The following SDK1 variants were observed in gnomAD, a reference collection of about 807,000 sequenced individuals.
The protein encoded by SDK1 is sidekick cell adhesion molecule 1.
A neutral mutation model predicts 245.5 loss-of-function variants in SDK1; 157 were observed. The observed-to-expected ratio is 0.64, with a 90% CI of 0.56 to 0.73. The LOEUF is 0.73. Ranked by LOEUF, SDK1 falls within the 30% of genes least tolerant of loss-of-function variation. SDK1 has a pLI of 0.00. For synonymous variants in SDK1, 1,647 were observed against 1,278.5 expected (o/e 1.29, Z -6.15); for missense variants, 3,583 against 3,002.3 (o/e 1.19, Z -4.52).
intron 1 of SDK1, among the ~76,000 whole-genome samples, chr7:3,377,581 C>T (rs1000030580): frequency 2.6e-5 from 4 of 151,994 alleles, no homozygotes; most frequent in Admixed American, 6.5e-5. Flanking sequence ...CACGACTCCC[C>T]GTCTCTGTGT....
At position 3,509,933 on chromosome 7, in the gene SDK1, C is replaced by A. The variant is rs76193505; in HGVS notation, c.299-109147C>A. Among the ~76,000 whole-genome samples the A allele has an allele frequency of 3.3e-4, 50 of 152,230 alleles. 2 individuals carry two copies. In the East Asian group the frequency reaches 9.7e-3, roughly 29 times the overall value. ...AAAATATACAGATGCCAGGGCTTCA[C>A]CCCAGACTCATTAAATGAAGGTCTC... On this transcript the variant is annotated intron_variant, in intron 1 of 44. Coordinates refer to ENST00000404826, the MANE Select transcript of SDK1 (RefSeq NM_152744.4).
intron 29 of SDK1, 100 bp from the exon 30 acceptor site, chr7:4,149,162 G>T: frequency 1.1e-6 from 1 of 942,390 alleles, no homozygotes; most frequent in Non-Finnish European, 1.5e-6. Flanking sequence ...AGCTCTCATG[G>T]GCAAGCAGTC....
At chr7:4,012,280 G>T in intron 16 of SDK1, 45 bp downstream of exon 16, 1 of 1,434,206 alleles carries the variant, frequency 7.0e-7, no homozygotes, top group South Asian at 1.7e-5. Flanking sequence ...CATTAGAGTT[G>T]AGCGTCGATT....
chr7:3,788,047 C>T (rs1191747711), intron 4 of SDK1, among the ~76,000 whole-genome samples: 5 of 152,158 alleles, frequency 3.3e-5, no homozygotes, highest in African/African-American at 7.2e-5. Flanking sequence ...CCAAACAGCT[C>T]GTGTGCTCCG....
chr7:3,535,508 C>A (rs1778857517), intron 1 of SDK1, among the ~76,000 whole-genome samples: 1 of 152,148 alleles, frequency 6.6e-6, no homozygotes, highest in Admixed American at 6.5e-5. Context: ...CAGGCTCAGT[C>A]ATACTATTCT....
At chr7:3,319,400 C>G (rs1166315860) in intron 1 of SDK1, among the ~76,000 whole-genome samples, 1 of 152,088 alleles carries the variant, frequency 6.6e-6, no homozygotes, top group Non-Finnish European at 1.5e-5. Flanking sequence ...GGGGCTTAGA[C>G]CGGTGGCCCT....
chr7:4,100,465 C>T (rs562164677), intron 22 of SDK1, among the ~76,000 whole-genome samples: 2 of 152,010 alleles, frequency 1.3e-5, no homozygotes, highest in Non-Finnish European at 1.5e-5. Flanking sequence ...GTGGACTGAG[C>T]GTGCCCCCAA....
At chr7:3,709,461 G>C (rs1249864804) in intron 4 of SDK1, among the ~76,000 whole-genome samples, 1 of 152,214 alleles carries the variant, frequency 6.6e-6, no homozygotes, top group African/African-American at 2.4e-5. Context: ...CTGTGGACTG[G>C]ATTGCCAGGT....
chr7:3,918,698 C>G (rs1222723928), intron 5 of SDK1, among the ~76,000 whole-genome samples: 1 of 152,214 alleles, frequency 6.6e-6, no homozygotes, highest in Non-Finnish European at 1.5e-5. Context: ...AAACCAGTCC[C>G]TGTGCCAAAA....
At chr7:3,581,516 G>C (rs1780494821) in intron 1 of SDK1, among the ~76,000 whole-genome samples, 1 of 152,164 alleles carries the variant, frequency 6.6e-6, no homozygotes, top group African/African-American at 2.4e-5. Flanking sequence ...GCCAGGTTGT[G>C]GGGAAAGGGG....
intron 1 of SDK1, chr7:3,337,971 A>G (rs1780246589): frequency 6.5e-6 from 1 of 153,052 alleles, no homozygotes; most frequent in Non-Finnish European, 1.5e-5. Context: ...ATAGGGGCAC[A>G]TGTAATAGAC....
At chr7:3,711,693 A>G (rs1024708947) in intron 4 of SDK1, among the ~76,000 whole-genome samples, 1 of 152,318 alleles carries the variant, frequency 6.6e-6, no homozygotes, top group Admixed American at 6.5e-5. Context: ...CTGTAGTATC[A>G]TAAGCCAGGC....
chr7:3,317,732 C>T (rs1779699155), intron 1 of SDK1, among the ~76,000 whole-genome samples: 1 of 152,158 alleles, frequency 6.6e-6, no homozygotes, highest in South Asian at 2.1e-4. Flanking sequence ...GCATTGTTGA[C>T]AGGCACTGTT....
intron 34 of SDK1, among the ~76,000 whole-genome samples, chr7:4,176,132 A>T (rs10236627): frequency 0.067 from 9,966 of 149,412 alleles, 1,070 homozygotes; most frequent in African/African-American, 0.23. Flanking sequence ...TTTTTTTTTT[A>T]AAGAAACACT....
At position 3,951,818 on chromosome 7, in the gene SDK1, A is replaced by G; in HGVS notation, c.1048A>G (p.Ser350Gly). 6.2e-7 allele frequency: 1 copy of G among 1,613,892 alleles called. No individual in the cohort carries two copies. The highest frequency in any genetic ancestry group is 8.5e-7 in the Non-Finnish European group (1 of 1,180,016). Residue 350 changes from serine (S) to glycine (G), a missense_variant, in exon 7 of 45, where the codon AGC becomes GGC. Coordinates refer to ENST00000404826, the MANE Select transcript of SDK1 (RefSeq NM_152744.4). ...LHSFGRRLTI[S>G]NPTSADTGPY... ...CAGCTTTGGAAGACGCCTCACCATC[A>G]GCAACCCGACGTCCGCGGACACCGG... is the stretch of plus-strand genomic sequence containing the variant.
chr7:3,440,073 A>G (rs1360096638), intron 1 of SDK1, among the ~76,000 whole-genome samples: 4 of 152,158 alleles, frequency 2.6e-5, no homozygotes, highest in Admixed American at 2.6e-4. Flanking sequence ...TTGTAGTTTC[A>G]GTCACCTGTG....
chr7:3,828,152 C>T (rs1283359088), intron 5 of SDK1, among the ~76,000 whole-genome samples: 1 of 151,990 alleles, frequency 6.6e-6, no homozygotes, highest in Non-Finnish European at 1.5e-5. Context: ...CTGGTGGGCT[C>T]CTGTAATCCC....
At chr7:3,448,930 T>A (rs750166089) in intron 1 of SDK1, among the ~76,000 whole-genome samples, 1 of 152,208 alleles carries the variant, frequency 6.6e-6, no homozygotes, top group Non-Finnish European at 1.5e-5. Context: ...GAAGGATTAT[T>A]CCTGCGAACA....
At chr7:3,393,188 T>A (rs1377050172) in intron 1 of SDK1, among the ~76,000 whole-genome samples, 1 of 151,962 alleles carries the variant, frequency 6.6e-6, no homozygotes, top group Non-Finnish European at 1.5e-5. Flanking sequence ...GCCAGCCTGG[T>A]CTTGAACTCC....
Sources: allele counts gnomAD v4.1 joint callset (sites outside exome capture counted in the v4.1 genomes callset), GRCh38; gene constraint gnomAD v4.1.1; transcripts MANE v1.5; gene names NCBI Gene and HGNC (gene_info 2026-07-23, HGNC 2026-07-21).